HBB: variants seen among roughly 807,000 people sequenced by gnomAD.
The protein encoded by HBB is hemoglobin subunit beta, also known as Hb Monza protein.
Under a neutral mutation model 9.7 loss-of-function variants are expected in HBB, and 18 were observed. The observed-to-expected ratio is 1.86, with a 90% confidence interval of 1.28 to 2.76. HBB has a LOEUF of 2.76. HBB is among the 30% of genes most tolerant of loss of function. The pLI is 0.00. For synonymous variants in HBB, 99 were observed against 73.6 expected, an observed-to-expected ratio of 1.35 and a Z score of -1.77; for missense variants, 156 against 177.0, an observed-to-expected ratio of 0.88 and a Z score of 0.67.
In HBB at chr11:5,226,107, C is replaced by T. The variant is rs1045462228; in HGVS notation, c.316-381G>A. 1.3e-5 allele frequency among the ~76,000 whole-genome samples: 2 copies of T among 151,836 alleles called. No homozygotes were observed. The highest frequency in any genetic ancestry group is 1.3e-4 in the Admixed American group (2 of 15,236). On this transcript the variant is annotated intron_variant, in intron 2 of 2. Transcript: ENST00000335295. ...AAATGCAAAATTACCCTGATTTGGT[C>T]AATATGTGTACACATATTAAAACAT...
In HBB at chr11:5,226,912, T is replaced by C. The variant is rs2133589125; in HGVS notation, c.92+18A>G. ...TCTATTGGTCTCCTTAAACCTGTCT[T>C]GTAACCTTGATACCAACCTGCCCAG... On this transcript the variant is annotated intron_variant, in intron 1 of 2. Transcript: ENST00000335295. The C allele has an allele frequency of 6.2e-7, 1 of 1,609,366 alleles. No homozygotes were observed. Among genetic ancestry groups the C allele is most frequent in the Non-Finnish European group, 8.5e-7 (1 of 1,175,696 alleles).
Position 5,226,926 on chromosome 11 carries a change from C to A in HBB, c.92+4G>T. Reference sequence around the variant, plus strand: ...TAAACCTGTCTTGTAACCTTGATACCAACCTGCCCAGGGCCTCACCACCAA... The same window carrying A: ...TAAACCTGTCTTGTAACCTTGATACAAACCTGCCCAGGGCCTCACCACCAA... On this transcript the variant is annotated splice_donor_region_variant and intron_variant, in intron 1 of 2. Coordinates refer to ENST00000335295, the MANE Select transcript of HBB (RefSeq NM_000518.5). 1 of 1,612,072 alleles carries A rather than the reference C, an allele frequency of 6.2e-7. No individual in the cohort carries two copies. The highest frequency in any genetic ancestry group is 2.2e-5 in the East Asian group (1 of 44,864).
Position 5,226,669 on chromosome 11 carries a change from C to A in HBB, c.223G>T (p.Gly75Cys). 1 of 1,614,138 alleles carries A rather than the reference C, an allele frequency of 6.2e-7. No individual in the cohort carries two copies. Residue 75 changes from glycine to cysteine, a missense_variant, in exon 2 of 3, where the codon GGC becomes TGC. Transcript: ENST00000335295. ...TTGAGGTTGTCCAGGTGAGCCAGGC[C>A]ATCACTAAAGGCACCGAGCACTTTC... Reference protein sequence around the residue: ...GKKVLGAFSDGLAHLDNLKGT... With the variant: ...GKKVLGAFSDCLAHLDNLKGT...
chr11:5,225,781 A>T, intron 2 of HBB, 55 bp from the exon 3 acceptor site: 1 of 1,591,368 alleles, frequency 6.3e-7, no homozygotes, highest in East Asian at 2.2e-5. Context: ...CCTAGCTTGG[A>T]CTCAGAATAA....
intron 2 of HBB, 124 bp downstream of exon 2, chr11:5,226,453 C>A (rs1175432125): frequency 2.3e-6 from 2 of 863,488 alleles, no homozygotes; most frequent in Non-Finnish European, 3.9e-6. Context: ...GACTTCCACA[C>A]TGATGCAATC....
rs7480526 is a variant in HBB, at chr11:5,226,503, A to C, written c.315+74T>G. 613,698 of 1,341,036 alleles carry C rather than the reference A, an allele frequency of 0.46. 143,891 individuals carry two copies. The highest frequency in any genetic ancestry group is 0.6 in the Middle Eastern group (3,289 of 5,512). 83.1% of individuals were successfully genotyped at this position (1,341,036 alleles called of 1,614,324 possible). A position where few individuals can be genotyped will look rare whatever the true frequency, so the allele number is the denominator to read the frequency against. On this transcript the variant is annotated intron_variant, in intron 2 of 2. Transcript: ENST00000335295. ...CATTCTAAACTGTACCCTGTTACTT[A>C]TCCCCTTCCTATGACATGAACTTAA...
rs2133586497 is a variant in HBB, at chr11:5,225,779, G to A, written c.316-53C>T. On this transcript the variant is annotated intron_variant, in intron 2 of 2. Coordinates refer to ENST00000335295, the MANE Select transcript of HBB (RefSeq NM_000518.5). ...CATGATTAGCAAAAGGGCCTAGCTT[G>A]GACTCAGAATAATCCAGCCTTATCC... The A allele has an allele frequency of 1.1e-5, 17 of 1,598,158 alleles. No individual in the cohort carries two copies. The highest frequency in any genetic ancestry group is 1.5e-5 in the Non-Finnish European group (17 of 1,165,740).
Position 5,225,638 on chromosome 11 carries a change from A to C in HBB, c.404T>G (p.Val135Gly), listed in dbSNP as rs33966761. The C allele has an allele frequency of 6.2e-7, 1 of 1,614,076 alleles. No individual in the cohort carries two copies. The highest frequency in any genetic ancestry group is 1.3e-5 in the African/African-American group (1 of 75,038). The change falls in exon 3 of 3, where the codon GTG (valine) becomes GGG (glycine). Residue 135 changes from valine (V) to glycine (G), a missense_variant. Coordinates refer to ENST00000335295, the MANE Select transcript of HBB (RefSeq NM_000518.5). ...GGCCAGGGCATTAGCCACACCAGCC[A>C]CCACTTTCTGATAGGCAGCCTGCAC... ...PPVQAAYQKV[V>G]AGVANALAHK...
Position 5,225,911 on chromosome 11 carries a change from G to A in HBB, c.316-185C>T, listed in dbSNP as rs1609812. ...ATATGCAGAAATATTTATATGCAGAGATATTGCTATTGCCTTAACCCAGAA... is the reference window on the plus strand; with the variant it reads ...ATATGCAGAAATATTTATATGCAGAAATATTGCTATTGCCTTAACCCAGAA... On this transcript the variant is annotated intron_variant, in intron 2 of 2. Transcript: ENST00000335295. 0.82 allele frequency among the ~76,000 whole-genome samples: 124,145 copies of A among 152,150 alleles called. 51,216 individuals are homozygous for A. The highest frequency in any genetic ancestry group is 0.87 in the African/African-American group (36,085 of 41,512).
rs556727592 is a variant in HBB at position 5,226,839 on chromosome 11, G to A, written c.93-40C>T. The A allele has an allele frequency of 5.3e-5, 84 of 1,589,540 alleles. No homozygotes were observed. The highest frequency in any genetic ancestry group is 3.1e-4 in the South Asian group (28 of 90,626). ...ATAGACCAATAGGCAGAGAGAGTCA[G>A]TGCCTATCAGAAACCCAAGAGTCTT... is the stretch of plus-strand genomic sequence containing the variant. On this transcript the variant is annotated intron_variant, in intron 1 of 2. Transcript: ENST00000335295.
rs754412212 is a variant in HBB, at chr11:5,226,574, C to T, written c.315+3G>A. 1 of 1,613,264 alleles carries T rather than the reference C, an allele frequency of 6.2e-7. No individual in the cohort carries two copies. The highest frequency in any genetic ancestry group is 8.5e-7 in the Non-Finnish European group (1 of 1,179,240). On this transcript the variant is annotated splice_donor_region_variant and intron_variant, in intron 2 of 2. Coordinates refer to ENST00000335295, the MANE Select transcript of HBB (RefSeq NM_000518.5). ...GAAAACATCAAGCGTCCCATAGACT[C>T]ACCCTGAAGTTCTCAGGATCCACGT...
At chr11:5,226,425 A>T in intron 2 of HBB, 152 bp downstream of exon 2, 1 of 733,028 alleles carries the variant, frequency 1.4e-6, no homozygotes, top group Non-Finnish European at 2.3e-6. Context: ...CAAATAAAAG[A>T]AACTAAAACG....
intron 2 of HBB, 139 bp from the exon 3 acceptor site, chr11:5,225,865 C>T (rs886156115): frequency 1.3e-6 from 1 of 793,148 alleles, no homozygotes; most frequent in Non-Finnish European, 2.1e-6. Context: ...AATATGAAAC[C>T]TCTTACATCA....
rs33966761 is a variant in HBB, at chr11:5,225,638, A to G, written c.404T>C (p.Val135Ala). Residue 135 changes from valine (V) to alanine (A), a missense_variant, in exon 3 of 3, where the codon GTG becomes GCG. Coordinates refer to ENST00000335295, the MANE Select transcript of HBB (RefSeq NM_000518.5). ...PPVQAAYQKV[V>A]AGVANALAHK... ...GGCCAGGGCATTAGCCACACCAGCC[A>G]CCACTTTCTGATAGGCAGCCTGCAC... is the stretch of plus-strand genomic sequence containing the variant. 23 of 1,613,958 alleles carry G rather than the reference A, an allele frequency of 1.4e-5. No individual in the cohort carries two copies. In the African/African-American group the frequency reaches 2.1e-4, roughly 15 times the overall value.
chr11:5,226,084 A>T lies in HBB; in HGVS notation c.316-358T>A, dbSNP rs536670489. Among the ~76,000 whole-genome samples the T allele has an allele frequency of 6.6e-6, 1 of 152,302 alleles. No homozygotes were observed. Among genetic ancestry groups the T allele is most frequent in the Non-Finnish European group, 1.5e-5 (1 of 68,026 alleles). ...AAGAAAGCATTTTTTAAAATTACAAATGCAAAATTACCCTGATTTGGTCAA... is the reference window on the plus strand; with the variant it reads ...AAGAAAGCATTTTTTAAAATTACAATTGCAAAATTACCCTGATTTGGTCAA... On this transcript the variant is annotated intron_variant, in intron 2 of 2. Coordinates refer to ENST00000335295, the MANE Select transcript of HBB (RefSeq NM_000518.5).
rs34095019 is a variant in HBB, at chr11:5,225,642, C to A, written c.400G>T (p.Val134Leu). The A allele has an allele frequency of 1.2e-6, 2 of 1,613,996 alleles. No individual in the cohort carries two copies. Among genetic ancestry groups the A allele is most frequent in the African/African-American group, 1.3e-5 (1 of 74,922 alleles). Reference protein sequence around the residue: ...TPPVQAAYQKVVAGVANALAH... With the variant: ...TPPVQAAYQKLVAGVANALAH... ...AGGGCATTAGCCACACCAGCCACCA[C>A]TTTCTGATAGGCAGCCTGCACTGGT... is the stretch of plus-strand genomic sequence containing the variant. The change falls in exon 3 of 3, where the codon GTG (valine) becomes TTG (leucine). Residue 134 changes from valine (V) to leucine (L), a missense_variant. By Grantham distance (32) the Val-to-Leu change is conservative. Transcript: ENST00000335295.
chr11:5,225,738 A>G lies in HBB; in HGVS notation c.316-12T>C, dbSNP rs781604042. 12 of 1,613,758 alleles carry G rather than the reference A, an allele frequency of 7.4e-6. No individual in the cohort carries two copies. In the African/African-American group the frequency reaches 1.2e-4, roughly 16 times the overall value. ...ACGTTGCCCAGGAGCTGTGGGAGGA[A>G]GATAAGAGGTATGAACATGATTAGC... On this transcript the variant is annotated splice_polypyrimidine_tract_variant and intron_variant, in intron 2 of 2. Transcript: ENST00000335295.
Position 5,225,594 on chromosome 11 carries a change from G to A in HBB, c.*4C>T, listed in dbSNP as rs372503204. 8.1e-6 allele frequency: 13 copies of A among 1,613,942 alleles called. No homozygotes were observed. The highest frequency in any genetic ancestry group is 5.3e-5 in the African/African-American group (4 of 74,924). On this transcript the variant is annotated 3_prime_UTR_variant, in exon 3 of 3. Coordinates refer to ENST00000335295, the MANE Select transcript of HBB (RefSeq NM_000518.5). ...AATAGAAATTGGACAGCAAGAAAGCGAGCTTAGTGATACTTGTGGGCCAGG... is the reference window on the plus strand; with the variant it reads ...AATAGAAATTGGACAGCAAGAAAGCAAGCTTAGTGATACTTGTGGGCCAGG...
Position 5,225,870 on chromosome 11 carries a change from A to T in HBB, c.316-144T>A. The T allele has an allele frequency of 1.3e-6, 1 of 758,410 alleles. No individual in the cohort carries two copies. Among genetic ancestry groups the T allele is most frequent in the South Asian group, 1.6e-5 (1 of 63,942 alleles). The allele number at this position is 758,410 out of a possible 1,614,324, so 47.0% of individuals were successfully genotyped here. On this transcript the variant is annotated intron_variant, in intron 2 of 2. Coordinates refer to ENST00000335295, the MANE Select transcript of HBB (RefSeq NM_000518.5). ...TGCTATTAGCAATATGAAACCTCTT[A>T]CATCAGTTACAATTTATATGCAGAA...
Sources: gnomAD v4.1 joint callset for allele counts (sites outside exome capture counted in the v4.1 genomes callset) on GRCh38, gnomAD v4.1.1 for gene constraint, MANE v1.5 for transcripts, NCBI Gene and HGNC (gene_info 2026-07-23, HGNC 2026-07-21) for gene names.